Variants in CCDC57 observed in about 807,000 individuals in gnomAD.
CCDC57 encodes coiled-coil domain-containing protein 57.
CCDC57 carries 118 observed loss-of-function variants against 118.9 expected under a neutral mutation model. The observed-to-expected ratio is 0.99, with a 90% confidence interval of 0.86 to 1.16. The LOEUF is 1.16. Among genes scored for constraint, CCDC57 ranks in the 50% most tolerant of loss-of-function variants. The pLI, the probability that CCDC57 is intolerant of heterozygous loss-of-function variation, is 0.00. For missense variants in CCDC57, 1,300 were observed against 1,320.7 expected (o/e 0.98, Z 0.24); for synonymous variants, 527 against 532.9 (o/e 0.99, Z 0.15).
At chr17:82,151,512 C>G in intron 16 of CCDC57, 48 bp downstream of exon 15, 1 of 1,535,800 alleles carries the variant, frequency 6.5e-7, no homozygotes, top group Non-Finnish European at 8.8e-7. Context: ...GGTGCACACC[C>G]AGAACCTGAC....
chr17:82,172,967 G>A lies in CCDC57; in HGVS notation c.1507-107C>T, dbSNP rs142229026. ...CGCGCCCCTCTCGGGCCGGTCCCCC[G>A]CTTCAGCTTGGGCTGTGGTCCCTCC... is the stretch of plus-strand genomic sequence containing the variant. On this transcript the variant is annotated intron_variant, in intron 11 of 19. Transcript: ENST00000665763. The surrounding 1 kb of genome is among the most constrained non-coding windows in gnomAD (Gnocchi z 5.2). The A allele has an allele frequency of 8.4e-4, 819 of 971,406 alleles. 7 individuals carry two copies. The African/African-American group carries it at 0.011, about 13-fold the overall frequency. The allele number at this position is 971,406 out of a possible 1,614,324, so 60.2% of individuals were successfully genotyped here. A position where few individuals can be genotyped will look rare whatever the true frequency, so the allele number is the denominator to read the frequency against.
exon 5 of CCDC57, chr17:82,195,265 T>C: frequency 6.3e-7 from 1 of 1,588,894 alleles, no homozygotes; most frequent in Admixed American, 1.8e-5. Flanking sequence ...CCAGTTACCT[T>C]AAGCTCCCGG....
At chr17:82,204,052 G>A (rs1193523091) in intron 2 of CCDC57, among the ~76,000 whole-genome samples, 2 of 152,188 alleles carry the variant, frequency 1.3e-5, no homozygotes, top group Non-Finnish European at 2.9e-5. Context: ...GGGCTGGTCA[G>A]CAGGGCACAC....
chr17:82,203,320 C>T (rs144227378), intron 2 of CCDC57, among the ~76,000 whole-genome samples: 248 of 152,282 alleles, frequency 1.6e-3, no homozygotes, highest in Middle Eastern at 6.8e-3. Context: ...CCTGTACAGC[C>T]AGGAGAACCG....
intron 19 of CCDC57, among the ~76,000 whole-genome samples, chr17:82,122,694 T>C (rs1026153168): frequency 6.6e-6 from 1 of 152,220 alleles, no homozygotes; most frequent in African/African-American, 2.4e-5. Context: ...ATCAACCTTC[T>C]GGCTTCGGTG....
At chr17:82,121,908 A>C (rs1269465470) in intron 19 of CCDC57, among the ~76,000 whole-genome samples, 1 of 152,144 alleles carries the variant, frequency 6.6e-6, no homozygotes, top group East Asian at 1.9e-4. Context: ...TGTAGCTAAA[A>C]GCATCTTAAC....
intron 14 of CCDC57, among the ~76,000 whole-genome samples, chr17:82,159,261 AG>A (rs1426861505): frequency 6.6e-6 from 1 of 152,110 alleles, no homozygotes; most frequent in African/African-American, 2.4e-5. Context: ...AGACTCCCAA[AG>A]TGTTGAGATT....
At chr17:82,208,472 G>C (rs1431671695) in intron 1 of CCDC57, among the ~76,000 whole-genome samples, 1 of 151,862 alleles carries the variant, frequency 6.6e-6, no homozygotes, top group Admixed American at 6.6e-5. Flanking sequence ...GGCCAGGCTG[G>C]TCTTGAACTC....
chr17:82,139,549 CT>C (rs1182759519), intron 16 of CCDC57, among the ~76,000 whole-genome samples: 1 of 152,106 alleles, frequency 6.6e-6, no homozygotes, highest in Non-Finnish European at 1.5e-5. Context: ...AGAGATGGTG[CT>C]TTGCCATGTT....
chr17:82,131,274 T>A (rs960648927), intron 17 of CCDC57, among the ~76,000 whole-genome samples: 1 of 150,158 alleles, frequency 6.7e-6, no homozygotes, highest in South Asian at 2.1e-4. Flanking sequence ...CTATCAAAAA[T>A]ACAAAAATTA....
intron 10 of CCDC57, 115 bp downstream of exon 9, chr17:82,178,912 G>T: frequency 8.6e-7 from 1 of 1,161,644 alleles, no homozygotes; most frequent in Non-Finnish European, 1.2e-6. Context: ...ATTACTCAGT[G>T]AGGTTTAGTG....
chr17:82,138,744 G>A (rs934387559), intron 16 of CCDC57, among the ~76,000 whole-genome samples: 6 of 122,772 alleles, frequency 4.9e-5, no homozygotes, highest in East Asian at 2.0e-4. Flanking sequence ...TAACTTGTTC[G>A]TCTGAGGCAC....
In CCDC57 at chr17:82,126,953, C is replaced by T. The variant is rs1439463742; in HGVS notation, c.2899+739G>A. On this transcript the variant is annotated intron_variant, in intron 19 of 19. Coordinates refer to ENST00000665763, the Ensembl canonical transcript of CCDC57. ...GGAAGGACGCACGCTCCCGCCCCAA[C>T]CACATCACACGTCCCGCAACTCCAG... 4 of 985,284 alleles carry T rather than the reference C, an allele frequency of 4.1e-6. No homozygotes were observed. The African/African-American group carries it at 7.0e-5, about 17-fold the overall frequency. The allele number at this position is 985,284 out of a possible 1,614,324, so 61.0% of individuals were successfully genotyped here.
At chr17:82,161,217 G>A (rs1025466722) in intron 14 of CCDC57, among the ~76,000 whole-genome samples, 7 of 152,170 alleles carry the variant, frequency 4.6e-5, no homozygotes, top group African/African-American at 1.4e-4. Flanking sequence ...GTGTTGGTGG[G>A]GATGGGGGAA....
In CCDC57 at chr17:82,101,713, G is replaced by A. The variant is rs372448342; in HGVS notation, c.3053C>T (p.Pro1018Leu). The change falls in exon 20 of 20, where the codon CCC becomes CTC. Residue 1018 changes from proline (P) to leucine (L), a missense_variant. By Grantham distance (98) the Pro-to-Leu change is moderately conservative. Coordinates refer to ENST00000665763, the Ensembl canonical transcript of CCDC57. ...CATAATGTTGTAGTTACGGATCTTGGGGGGCCTCTGGCAGCCTTTAGCTTT... is the reference window on the plus strand; with the variant it reads ...CATAATGTTGTAGTTACGGATCTTGAGGGGCCTCTGGCAGCCTTTAGCTTT... 2.5e-6 allele frequency: 4 copies of A among 1,608,404 alleles called. No homozygotes were observed. The South Asian group carries it at 3.3e-5, about 13-fold the overall frequency.
chr17:82,212,390 T>A lies in CCDC57; in HGVS notation c.-211+395A>T, dbSNP rs1218795145. Among the ~76,000 whole-genome samples the A allele has an allele frequency of 5.7e-5, 2 of 35,288 alleles. No individual in the cohort carries two copies. The highest frequency in any genetic ancestry group is 2.9e-4 in the African/African-American group (2 of 7,008). The allele number at this position is 35,288 out of a possible 152,430, so 23.2% of individuals were successfully genotyped here. ...GAACCACCGCCTCCGGCCTTTTTTT[T>A]TCCTCTCTTTTTTTTTTTTTTTTTT... On this transcript the variant is annotated intron_variant, in intron 1 of 19. Coordinates refer to ENST00000665763, the Ensembl canonical transcript of CCDC57. This position sits in a 1 kb window ranked among gnomAD's most constrained non-coding sequence, Gnocchi z 4.1.
chr17:82,211,737 T>G lies in CCDC57; in HGVS notation c.-211+1048A>C, dbSNP rs1319994043. ...TGGTTTCTTCGCTTGCAGCCCCTTG[T>G]CCCCGTCCCTTAAGGACATAACTGG... On this transcript the variant is annotated intron_variant, in intron 1 of 19. Coordinates refer to ENST00000665763, the Ensembl canonical transcript of CCDC57. 1.3e-5 allele frequency among the ~76,000 whole-genome samples: 2 copies of G among 152,022 alleles called. 1 individual carries two copies. Among genetic ancestry groups the G allele is most frequent in the African/African-American group, 4.8e-5 (2 of 41,386 alleles).
chr17:82,126,305 A>G (rs1347625709), intron 19 of CCDC57: 12 of 762,904 alleles, frequency 1.6e-5, no homozygotes, highest in Non-Finnish European at 1.9e-5. Context: ...AAAAACAGAC[A>G]AGATAAAAAA....
intron 16 of CCDC57, among the ~76,000 whole-genome samples, chr17:82,140,004 G>A (rs1035142750): frequency 6.6e-6 from 1 of 152,162 alleles, no homozygotes; most frequent in African/African-American, 2.4e-5. Flanking sequence ...TCTTTCCTCT[G>A]AAGCTATGTA....
Sources: allele counts gnomAD v4.1 joint callset (sites outside exome capture counted in the v4.1 genomes callset), GRCh38; gene constraint gnomAD v4.1.1; non-coding constraint Gnocchi (gnomAD v3.1); transcripts MANE v1.5; gene names NCBI Gene and HGNC (gene_info 2026-07-23, HGNC 2026-07-21).